Variants in MARCHF4 observed in about 807,000 individuals in gnomAD.
MARCHF4 encodes the protein E3 ubiquitin-protein ligase MARCHF4.
Under a neutral mutation model 43.9 loss-of-function variants are expected in MARCHF4, and 14 were observed. The ratio of observed to expected loss-of-function variants is 0.32; its 90% CI spans 0.21 to 0.50. The LOEUF (loss-of-function observed/expected upper bound fraction) is 0.50, where lower values mean the gene tolerates loss of function less well. Among genes scored for constraint, MARCHF4 ranks in the 20% least tolerant of loss-of-function variants. The pLI, the probability that MARCHF4 is intolerant of heterozygous loss-of-function variation, is 0.98. For missense variants in MARCHF4, 468 were observed against 536.7 expected (o/e 0.87, Z 1.27); for synonymous variants, 226 against 213.3 (o/e 1.06, Z -0.52).
chr2:216,285,496 G>T (rs896498070), intron 1 of MARCHF4, among the ~76,000 whole-genome samples: 3 of 152,140 alleles, frequency 2.0e-5, no homozygotes, highest in African/African-American at 7.2e-5. Context: ...TCTAGTAAAG[G>T]GCCTGGTAAA....
At chr2:216,327,159 A>T (rs900387223) in intron 1 of MARCHF4, among the ~76,000 whole-genome samples, 18 of 151,394 alleles carry the variant, frequency 1.2e-4, no homozygotes, top group Admixed American at 3.3e-4. Flanking sequence ...TTTTTTTTTT[A>T]AATTGAGATA....
intron 1 of MARCHF4, among the ~76,000 whole-genome samples, chr2:216,350,268 C>T (rs1322407179): frequency 8.6e-6 from 1 of 115,946 alleles, no homozygotes; most frequent in Non-Finnish European, 1.8e-5. Flanking sequence ...CCCCCTCACT[C>T]TGCCATACCC....
intron 1 of MARCHF4, among the ~76,000 whole-genome samples, chr2:216,331,553 C>T (rs1692081600): frequency 6.6e-6 from 1 of 152,154 alleles, no homozygotes. Context: ...TGGCCAATCT[C>T]TTCCAAGAAT....
chr2:216,308,804 G>A lies in MARCHF4; in HGVS notation c.517-25075C>T, dbSNP rs1691631997. ...AAATAGAAAGCCACTGCCATAGCCAGCTGTGAATCCTCCAGGGTCTGATCC... is the reference window on the plus strand; with the variant it reads ...AAATAGAAAGCCACTGCCATAGCCAACTGTGAATCCTCCAGGGTCTGATCC... On this transcript the variant is annotated intron_variant, in intron 1 of 3. Transcript: ENST00000273067. 2.0e-5 allele frequency among the ~76,000 whole-genome samples: 3 copies of A among 152,200 alleles called. 1 individual carries two copies. The South Asian group carries it at 6.2e-4, about 32-fold the overall frequency.
chr2:216,296,003 G>T (rs761071160), intron 1 of MARCHF4, among the ~76,000 whole-genome samples: 35 of 152,110 alleles, frequency 2.3e-4, no homozygotes, highest in Admixed American at 5.2e-4. Flanking sequence ...AAAATTAGCC[G>T]GGCATGGTGG....
intron 3 of MARCHF4, among the ~76,000 whole-genome samples, chr2:216,277,093 G>A (rs552158600): frequency 1.3e-5 from 2 of 152,270 alleles, no homozygotes; most frequent in African/African-American, 4.8e-5. Context: ...AAGCCTCTCT[G>A]TGCGGCATTC....
At chr2:216,334,165 C>T (rs1259879609) in intron 1 of MARCHF4, among the ~76,000 whole-genome samples, 1 of 151,950 alleles carries the variant, frequency 6.6e-6, no homozygotes, top group Non-Finnish European at 1.5e-5. Flanking sequence ...ATGACACAGG[C>T]CCTTAAAAGT....
intron 1 of MARCHF4, among the ~76,000 whole-genome samples, chr2:216,331,939 A>C (rs889568323): frequency 1.3e-5 from 2 of 152,232 alleles, no homozygotes; most frequent in African/African-American, 4.8e-5. Context: ...CACGATTTCT[A>C]TTCGTATTAT....
intron 1 of MARCHF4, among the ~76,000 whole-genome samples, chr2:216,314,012 C>T (rs1027521128): frequency 6.6e-6 from 1 of 152,132 alleles, no homozygotes; most frequent in Non-Finnish European, 1.5e-5. Context: ...CTCTTGCATC[C>T]TAGGTCTAAC....
chr2:216,308,847 T>C (rs1001997934), intron 1 of MARCHF4, among the ~76,000 whole-genome samples: 1 of 152,230 alleles, frequency 6.6e-6, no homozygotes, highest in South Asian at 2.1e-4. Context: ...ATTCTAATTA[T>C]ACAACCTGCT....
chr2:216,281,550 G>A (rs1045350229), intron 2 of MARCHF4, among the ~76,000 whole-genome samples: 1 of 152,206 alleles, frequency 6.6e-6, no homozygotes, highest in Admixed American at 6.5e-5. Context: ...GGGCATAGTA[G>A]CCCAGAAGTT....
At chr2:216,313,292 A>G (rs1238169932) in intron 1 of MARCHF4, among the ~76,000 whole-genome samples, 1 of 152,130 alleles carries the variant, frequency 6.6e-6, no homozygotes, top group Non-Finnish European at 1.5e-5. Context: ...TGTGACTTCC[A>G]TTGATTTTAG....
chr2:216,298,698 C>A (rs1691435613), intron 1 of MARCHF4, among the ~76,000 whole-genome samples: 1 of 152,152 alleles, frequency 6.6e-6, no homozygotes, highest in African/African-American at 2.4e-5. Context: ...TATTGTAAAT[C>A]AAAATTTTCC....
chr2:216,284,515 G>A (rs1215249381), intron 1 of MARCHF4, among the ~76,000 whole-genome samples: 2 of 152,156 alleles, frequency 1.3e-5, no homozygotes, highest in African/African-American at 4.8e-5. Flanking sequence ...GCCCAGTCTG[G>A]AGTGCAGTGG....
intron 1 of MARCHF4, among the ~76,000 whole-genome samples, chr2:216,343,925 G>T (rs1326836115): frequency 6.6e-6 from 1 of 152,204 alleles, no homozygotes; most frequent in African/African-American, 2.4e-5. Context: ...AGAATCACGA[G>T]AGGGAATGAA....
At chr2:216,274,825 A>G (rs1023573423) in intron 3 of MARCHF4, among the ~76,000 whole-genome samples, 2 of 152,238 alleles carry the variant, frequency 1.3e-5, no homozygotes, top group Non-Finnish European at 2.9e-5. Flanking sequence ...AAAAATGGGA[A>G]GACGAATCCT....
intron 1 of MARCHF4, among the ~76,000 whole-genome samples, chr2:216,355,532 C>A (rs979994564): frequency 1.3e-5 from 2 of 152,066 alleles, no homozygotes; most frequent in East Asian, 1.9e-4. Flanking sequence ...TTAGGAGGAA[C>A]CTTTCTCTAG....
intron 2 of MARCHF4, among the ~76,000 whole-genome samples, chr2:216,282,682 G>T (rs1261555844): frequency 2.0e-5 from 3 of 152,186 alleles, no homozygotes; most frequent in African/African-American, 4.8e-5. Flanking sequence ...GGTGGCACAG[G>T]CCTGCCAGCT....
At chr2:216,290,468 G>A (rs55693724) in intron 1 of MARCHF4, among the ~76,000 whole-genome samples, 14,073 of 152,200 alleles carry the variant, frequency 0.092, 883 homozygotes, top group African/African-American at 0.18. Context: ...TCAAGAGTCA[G>A]GGGACAGATC....
Sources: gnomAD v4.1 joint callset for allele counts (sites outside exome capture counted in the v4.1 genomes callset) on GRCh38, gnomAD v4.1.1 for gene constraint, MANE v1.5 for transcripts, NCBI Gene and HGNC (gene_info 2026-07-23, HGNC 2026-07-21) for gene names.